The following RANBP17 variants were observed in gnomAD, a reference collection of about 807,000 sequenced individuals.
The protein encoded by RANBP17 is RAN binding protein 17, also known as ran-binding protein 17.
A neutral mutation model predicts 141.2 loss-of-function variants in RANBP17; 158 were observed. The observed-to-expected ratio is 1.12, with a 90% CI of 0.98 to 1.28. The LOEUF is 1.28. Ranked by LOEUF, RANBP17 falls within the 50% of genes most tolerant of loss-of-function variation. The pLI, the probability that RANBP17 is intolerant of heterozygous loss-of-function variation, is 0.00. For missense variants in RANBP17, 1,438 were observed against 1,290.7 expected, an observed-to-expected ratio of 1.11 and a Z score of -1.75; for synonymous variants, 430 against 450.0, an observed-to-expected ratio of 0.96 and a Z score of 0.56.
At chr5:171,204,844 C>T (rs1762481423) in intron 19 of RANBP17, among the ~76,000 whole-genome samples, 2 of 152,118 alleles carry the variant, frequency 1.3e-5, no homozygotes, top group South Asian at 2.1e-4. Flanking sequence ...TGGCACAGTG[C>T]CTCTGTGAGA....
chr5:171,279,073 T>C (rs1767697399), intron 25 of RANBP17, among the ~76,000 whole-genome samples: 2 of 152,190 alleles, frequency 1.3e-5, no homozygotes, highest in Admixed American at 6.5e-5. Context: ...CTGAGATCTT[T>C]CCTGGTCCCA....
chr5:170,869,323 CTTTTTT>C (rs70982310), intron 1 of RANBP17, among the ~76,000 whole-genome samples: 13 of 125,494 alleles, frequency 1.0e-4, no homozygotes, highest in Non-Finnish European at 2.0e-4. Flanking sequence ...GCTCACAACA[CTTTTTT>C]TTTTTTTTTT....
At chr5:171,231,030 G>A (rs1214298857) in intron 22 of RANBP17, among the ~76,000 whole-genome samples, 2 of 151,442 alleles carry the variant, frequency 1.3e-5, no homozygotes, top group Non-Finnish European at 2.9e-5. Context: ...TCGAAGTCCT[G>A]GGCTCAGGTT....
intron 14 of RANBP17, chr5:171,143,400 T>C (rs1488079459): frequency 6.6e-6 from 1 of 152,228 alleles, no homozygotes; most frequent in Admixed American, 6.5e-5. Flanking sequence ...TATCTTCTCC[T>C]TCCGTGAAAC....
intron 14 of RANBP17, among the ~76,000 whole-genome samples, chr5:171,070,626 G>A (rs1369157689): frequency 6.6e-6 from 1 of 152,106 alleles, no homozygotes; most frequent in Non-Finnish European, 1.5e-5. Context: ...GCAGGTCAAT[G>A]TTAGAAGAAA....
chr5:171,061,153 C>G (rs2127672048), intron 14 of RANBP17, among the ~76,000 whole-genome samples: 1 of 152,120 alleles, frequency 6.6e-6, no homozygotes, highest in South Asian at 2.1e-4. Context: ...TTTTGTGTCT[C>G]TGTTTCCTTC....
chr5:171,242,551 T>C (rs1383747928), intron 23 of RANBP17, 131 bp from the exon 24 acceptor site: 3 of 905,716 alleles, frequency 3.3e-6, no homozygotes, highest in Non-Finnish European at 5.1e-6. Flanking sequence ...TGTCATTTGC[T>C]CTATATATTT....
intron 24 of RANBP17, among the ~76,000 whole-genome samples, chr5:171,246,309 C>T (rs138079997): frequency 6.6e-6 from 1 of 152,328 alleles, no homozygotes; most frequent in Non-Finnish European, 1.5e-5. Flanking sequence ...CTGCTTTAGC[C>T]TTCCCAGATT....
At chr5:170,886,319 A>G (rs2127370120) in intron 3 of RANBP17, among the ~76,000 whole-genome samples, 1 of 152,294 alleles carries the variant, frequency 6.6e-6, no homozygotes, top group African/African-American at 2.4e-5. Flanking sequence ...GGGACAAAGC[A>G]TCTATGAAAC....
chr5:171,210,937 A>C (rs904973269), intron 20 of RANBP17, among the ~76,000 whole-genome samples: 2 of 150,908 alleles, frequency 1.3e-5, no homozygotes, highest in African/African-American at 4.9e-5. Context: ...CCCAGGAGGC[A>C]GAAGTTGCAA....
intron 27 of RANBP17, 41 bp from the exon 28 acceptor site, chr5:171,298,721 G>T (rs1768978982): frequency 1.3e-6 from 2 of 1,501,772 alleles, no homozygotes; most frequent in East Asian, 4.5e-5. Flanking sequence ...TGGAGGCTTT[G>T]CCTCATTACT....
At chr5:170,973,555 A>G (rs1167002466) in intron 14 of RANBP17, among the ~76,000 whole-genome samples, 1 of 152,246 alleles carries the variant, frequency 6.6e-6, no homozygotes, top group African/African-American at 2.4e-5. Context: ...ACTTATAGAG[A>G]ATCAACATTC....
chr5:171,242,490 A>G (rs1190241390), intron 23 of RANBP17, among the ~76,000 whole-genome samples, 192 bp from the exon 24 acceptor site: 1 of 152,224 alleles, frequency 6.6e-6, no homozygotes, highest in East Asian at 1.9e-4. Flanking sequence ...AGGTAAAGAG[A>G]TCAAGCGATT....
chr5:171,252,415 C>G lies in RANBP17; in HGVS notation c.2776+9595C>G, dbSNP rs1765631153. The G allele has an allele frequency of 3.9e-6, 6 of 1,522,024 alleles. No homozygotes were observed. The Admixed American group carries it at 1.0e-4, about 26-fold the overall frequency. The allele number at this position is 1,522,024 out of a possible 1,614,324, so 94.3% of individuals were successfully genotyped here. A position where few individuals can be genotyped will look rare whatever the true frequency, so the allele number is the denominator to read the frequency against. On this transcript the variant is annotated intron_variant, in intron 24 of 27. Transcript: ENST00000523189. ...CAGCAAAGATGAAGATTTTTTAGAC[C>G]TGTCTGTTGACGTGGAACAAAATAC...
intron 3 of RANBP17, among the ~76,000 whole-genome samples, chr5:170,884,280 T>C (rs1645026017): frequency 6.6e-6 from 1 of 152,160 alleles, no homozygotes; most frequent in Non-Finnish European, 1.5e-5. Flanking sequence ...ATTGACCCCC[T>C]GCGCAATCAA....
intron 1 of RANBP17, among the ~76,000 whole-genome samples, chr5:170,876,214 A>G (rs144052246): frequency 3.8e-4 from 58 of 151,504 alleles, no homozygotes; most frequent in Non-Finnish European, 6.0e-4. Flanking sequence ...AGGTGGGCCA[A>G]TGTACCACCT....
intron 14 of RANBP17, among the ~76,000 whole-genome samples, chr5:171,090,454 AC>A (rs1211221051): frequency 6.6e-6 from 1 of 152,172 alleles, no homozygotes; most frequent in Non-Finnish European, 1.5e-5. Flanking sequence ...TAAAAGGGAA[AC>A]AGAGCATAAA....
chr5:171,216,617 G>T (rs912364315), intron 21 of RANBP17, among the ~76,000 whole-genome samples: 1 of 152,002 alleles, frequency 6.6e-6, no homozygotes. Flanking sequence ...CCTTAAAGAG[G>T]TCCTTCACAT....
At chr5:171,070,882 C>T (rs1561620081) in intron 14 of RANBP17, among the ~76,000 whole-genome samples, 1 of 151,890 alleles carries the variant, frequency 6.6e-6, no homozygotes, top group Non-Finnish European at 1.5e-5. Flanking sequence ...CATTGTTTTC[C>T]ATTTTATGAA....
Sources: gnomAD v4.1 joint callset for allele counts (sites outside exome capture counted in the v4.1 genomes callset) on GRCh38, gnomAD v4.1.1 for gene constraint, MANE v1.5 for transcripts, NCBI Gene and HGNC (gene_info 2026-07-23, HGNC 2026-07-21) for gene names.